Variants in DTNBP1 observed in about 807,000 individuals in gnomAD.
DTNBP1 encodes the protein dystrobrevin binding protein 1.
DTNBP1 carries 35 observed loss-of-function variants against 42.8 expected under a neutral mutation model. The observed-to-expected ratio is 0.82, with a 90% confidence interval of 0.63 to 1.09. The LOEUF is 1.09. DTNBP1 is among the 50% of genes least tolerant of loss of function. DTNBP1 has a pLI of 0.00. For missense variants in DTNBP1, 457 were observed against 424.2 expected, an observed-to-expected ratio of 1.08 and a Z score of -0.68; for synonymous variants, 171 against 162.2, an observed-to-expected ratio of 1.05 and a Z score of -0.41.
At chr6:15,647,618 G>A (rs185030284) in intron 3 of DTNBP1, among the ~76,000 whole-genome samples, 3 of 150,366 alleles carry the variant, frequency 2.0e-5, no homozygotes, top group Admixed American at 6.6e-5. Flanking sequence ...CTATTACTAC[G>A]AATCTTACAG....
At chr6:15,627,580 C>G in intron 4 of DTNBP1, 105 bp from the exon 5 acceptor site, 8 of 1,450,516 alleles carry the variant, frequency 5.5e-6, no homozygotes, top group Non-Finnish European at 7.5e-6. Flanking sequence ...CCCCTCTACT[C>G]AGTAGAGATT....
At chr6:15,586,968 T>C (rs576683879) in intron 7 of DTNBP1, among the ~76,000 whole-genome samples, 1 of 152,336 alleles carries the variant, frequency 6.6e-6, no homozygotes, top group East Asian at 1.9e-4. Context: ...TAGATTTCTA[T>C]GCATTGTCAA....
chr6:15,526,354 G>A (rs1413214554), intron 8 of DTNBP1, among the ~76,000 whole-genome samples: 1 of 152,236 alleles, frequency 6.6e-6, no homozygotes, highest in Admixed American at 6.5e-5. Flanking sequence ...ACAAAGACAC[G>A]GGGGTGGAGA....
intron 5 of DTNBP1, among the ~76,000 whole-genome samples, chr6:15,621,039 AC>A (rs1759013926): frequency 6.6e-6 from 1 of 152,226 alleles, no homozygotes; most frequent in Non-Finnish European, 1.5e-5. Context: ...AATTTCATTG[AC>A]CAGTAATGAT....
intron 8 of DTNBP1, among the ~76,000 whole-genome samples, chr6:15,528,336 AAC>A (rs1772560639): frequency 4.6e-5 from 7 of 152,104 alleles, no homozygotes; most frequent in Admixed American, 4.6e-4. Flanking sequence ...TGGGGTGTTT[AAC>A]TGCATCCCTG....
intron 6 of DTNBP1, among the ~76,000 whole-genome samples, chr6:15,595,841 G>C (rs1776495398): frequency 6.6e-6 from 1 of 152,206 alleles, no homozygotes; most frequent in Non-Finnish European, 1.5e-5. Context: ...AAATACTTCA[G>C]AACAGCAGGC....
At chr6:15,648,531 A>G (rs1760810510) in intron 3 of DTNBP1, among the ~76,000 whole-genome samples, 1 of 152,116 alleles carries the variant, frequency 6.6e-6, no homozygotes, top group Non-Finnish European at 1.5e-5. Flanking sequence ...CTATCAGGAT[A>G]AAGGAACTCA....
At position 15,522,859 on chromosome 6, in the gene DTNBP1, A is replaced by G. The variant is rs1771991876; in HGVS notation, c.*116T>C. On this transcript the variant is annotated 3_prime_UTR_variant, in exon 10 of 10. Transcript: ENST00000344537. ...CTGTTCTTTAAGTTTCTCACACATT[A>G]TTGGCAATTATGTAAAAATCAAGAA... is the stretch of plus-strand genomic sequence containing the variant. 18 of 1,556,284 alleles carry G rather than the reference A, an allele frequency of 1.2e-5. No individual in the cohort carries two copies. In the South Asian group the frequency reaches 1.8e-4, roughly 16 times the overall value.
intron 9 of DTNBP1, chr6:15,524,043 A>T: frequency 7.7e-7 from 1 of 1,294,198 alleles, no homozygotes; most frequent in Non-Finnish European, 1.0e-6. Context: ...AATTTTGTGA[A>T]GGGATGAAAG....
At chr6:15,602,812 T>G (rs1462824407) in intron 6 of DTNBP1, among the ~76,000 whole-genome samples, 1 of 152,340 alleles carries the variant, frequency 6.6e-6, no homozygotes, top group South Asian at 2.1e-4. Flanking sequence ...AGATACACTT[T>G]AGGTTTTCAT....
At chr6:15,641,748 C>G (rs1760373306) in intron 3 of DTNBP1, among the ~76,000 whole-genome samples, 1 of 152,152 alleles carries the variant, frequency 6.6e-6, no homozygotes, top group Admixed American at 6.5e-5. Context: ...ACCTCACAGA[C>G]CACTCTAACT....
intron 6 of DTNBP1, among the ~76,000 whole-genome samples, chr6:15,606,273 T>C (rs1168595091): frequency 6.6e-6 from 1 of 152,230 alleles, no homozygotes; most frequent in Admixed American, 6.5e-5. Flanking sequence ...GGCAGGAATG[T>C]ATTCTCTCTG....
At chr6:15,641,552 C>T (rs1760354261) in intron 3 of DTNBP1, among the ~76,000 whole-genome samples, 4 of 152,122 alleles carry the variant, frequency 2.6e-5, no homozygotes. Flanking sequence ...CAAAGCAATA[C>T]TATTGATGGT....
intron 1 of DTNBP1, among the ~76,000 whole-genome samples, chr6:15,658,907 GC>G (rs1048668272): frequency 4.6e-5 from 7 of 152,340 alleles, no homozygotes; most frequent in African/African-American, 1.7e-4. Context: ...TCAGTCTGTG[GC>G]CTAAGGCTGG....
intron 7 of DTNBP1, among the ~76,000 whole-genome samples, chr6:15,582,958 T>C (rs2743549): frequency 0.12 from 18,912 of 152,110 alleles, 1,472 homozygotes; most frequent in African/African-American, 0.22. Flanking sequence ...AAAAACAAAT[T>C]AGCCAAATTT....
chr6:15,584,237 C>G (rs1775960114), intron 7 of DTNBP1, among the ~76,000 whole-genome samples: 3 of 152,024 alleles, frequency 2.0e-5, no homozygotes, highest in Non-Finnish European at 4.4e-5. Context: ...TCATGATTTT[C>G]AAGGAGCAAT....
intron 5 of DTNBP1, among the ~76,000 whole-genome samples, chr6:15,626,750 TTTG>T (rs958318566): frequency 3.3e-5 from 5 of 152,096 alleles, no homozygotes; most frequent in South Asian, 2.1e-4. Context: ...CCTAATTTAC[TTTG>T]TTGTTGTTGT....
At chr6:15,575,581 A>G (rs918807170) in intron 7 of DTNBP1, among the ~76,000 whole-genome samples, 7 of 152,222 alleles carry the variant, frequency 4.6e-5, no homozygotes, top group Non-Finnish European at 7.4e-5. Context: ...AGAAGTAGCT[A>G]CCAGAGCTGT....
At position 15,550,584 on chromosome 6, in the gene DTNBP1, C is replaced by A. The variant is rs147546052; in HGVS notation, c.512-17189G>T. Among the ~76,000 whole-genome samples the A allele has an allele frequency of 8.7e-4, 133 of 152,326 alleles. 1 individual carries two copies. The East Asian group carries it at 0.024, about 28-fold the overall frequency. ...AGCCAAATCTCAGCATGCTTGAAAGCTGATCATATCTGCTGGAAACCTCAT... is the reference window on the plus strand; with the variant it reads ...AGCCAAATCTCAGCATGCTTGAAAGATGATCATATCTGCTGGAAACCTCAT... On this transcript the variant is annotated intron_variant, in intron 7 of 9. Transcript: ENST00000344537.
Sources: allele counts gnomAD v4.1 joint callset (sites outside exome capture counted in the v4.1 genomes callset), GRCh38; gene constraint gnomAD v4.1.1; transcripts MANE v1.5; gene names NCBI Gene and HGNC (gene_info 2026-07-23, HGNC 2026-07-21).